GUCY1A2: variants seen among roughly 807,000 people sequenced by gnomAD.
GUCY1A2 encodes guanylate cyclase 1 soluble subunit alpha 2, also known as guanylate cyclase soluble subunit alpha-2.
In GUCY1A2, 27 loss-of-function variants were observed where a neutral mutation model predicts 63.5. That is an observed-to-expected ratio of 0.43 (90% CI 0.31 to 0.59). The LOEUF is 0.59. Ranked by LOEUF, GUCY1A2 falls within the 20% of genes least tolerant of loss-of-function variation. The pLI, the probability that GUCY1A2 is intolerant of heterozygous loss-of-function variation, is 0.11. For missense variants in GUCY1A2, 768 were observed against 913.3 expected (o/e 0.84, Z 2.05); for synonymous variants, 364 against 343.5 (o/e 1.06, Z -0.66).
intron 2 of GUCY1A2, among the ~76,000 whole-genome samples, chr11:106,985,600 T>C (rs1033237314): frequency 6.6e-6 from 1 of 152,196 alleles, no homozygotes; most frequent in Non-Finnish European, 1.5e-5. Flanking sequence ...TCACAACCAC[T>C]TCAAGAAATA....
chr11:106,747,692 A>G (rs753004327), intron 6 of GUCY1A2, among the ~76,000 whole-genome samples: 1 of 152,156 alleles, frequency 6.6e-6, no homozygotes, highest in Non-Finnish European at 1.5e-5. Flanking sequence ...TTGGTGAAAT[A>G]TTGATATTGA....
chr11:106,947,788 A>T (rs1860850564), intron 3 of GUCY1A2, among the ~76,000 whole-genome samples: 1 of 152,076 alleles, frequency 6.6e-6, no homozygotes, highest in South Asian at 2.1e-4. Flanking sequence ...CCTGCATCAT[A>T]CACAATTCTG....
At chr11:106,766,146 C>T (rs1361541967) in intron 6 of GUCY1A2, among the ~76,000 whole-genome samples, 1 of 152,092 alleles carries the variant, frequency 6.6e-6, no homozygotes. Flanking sequence ...CTTTGAAAAG[C>T]ACTTGTGACA....
chr11:106,936,161 A>T lies in GUCY1A2; in HGVS notation c.1206+3299T>A, dbSNP rs187695015. Among the ~76,000 whole-genome samples the T allele has an allele frequency of 3.0e-4, 45 of 152,318 alleles. No homozygotes were observed. The East Asian group carries it at 7.7e-3, about 26-fold the overall frequency. ...TTCACTCAAACAAGATTCATTCCAT[A>T]CCAAGAAGCTTTGTAATCTATATCA... On this transcript the variant is annotated intron_variant, in intron 4 of 7. Transcript: ENST00000526355.
intron 3 of GUCY1A2, among the ~76,000 whole-genome samples, chr11:106,968,678 T>C (rs1423164778): frequency 2.9e-5 from 1 of 35,022 alleles, no homozygotes; most frequent in Non-Finnish European, 5.9e-5. Context: ...CCTACACTGG[T>C]TCTTCTAACT....
intron 6 of GUCY1A2, among the ~76,000 whole-genome samples, chr11:106,775,989 A>G (rs1386924642): frequency 1.3e-5 from 2 of 152,168 alleles, no homozygotes; most frequent in African/African-American, 2.4e-5. Flanking sequence ...CTCTGCCACA[A>G]GAAAAACTCC....
At chr11:106,915,696 T>A (rs1860361306) in intron 4 of GUCY1A2, among the ~76,000 whole-genome samples, 1 of 145,084 alleles carries the variant, frequency 6.9e-6, no homozygotes, top group African/African-American at 2.4e-5. Context: ...AAAAGGGTGC[T>A]TCTTCGTTCA....
rs1555044010 is a variant in GUCY1A2, at chr11:106,878,798, A to AG, written c.1206+60661_1206+60662insC. On this transcript the variant is annotated intron_variant, in intron 4 of 7. Transcript: ENST00000526355. ...CTTAAAAGTTAAAAAAAAAAAAAAA[A>AG]AAGAAGAAGTTGGAAAGGGGAAGCA... Among the ~76,000 whole-genome samples, 153 of 151,408 alleles carry AG rather than the reference A, an allele frequency of 1.0e-3. 1 individual carries two copies. In the Middle Eastern group the frequency reaches 0.017, roughly 17 times the overall value.
chr11:106,797,705 T>C (rs1251041220), intron 5 of GUCY1A2, among the ~76,000 whole-genome samples: 1 of 152,206 alleles, frequency 6.6e-6, no homozygotes, highest in Non-Finnish European at 1.5e-5. Context: ...AATAAAGATG[T>C]TCTTTGAAAC....
chr11:106,915,506 T>C (rs1860358566), intron 4 of GUCY1A2, among the ~76,000 whole-genome samples: 1 of 147,112 alleles, frequency 6.8e-6, no homozygotes, highest in Non-Finnish European at 1.5e-5. Context: ...ATTGTGCAAC[T>C]GACAGTCTAT....
intron 2 of GUCY1A2, among the ~76,000 whole-genome samples, chr11:106,983,020 C>G (rs1170313995): frequency 6.6e-6 from 1 of 152,128 alleles, no homozygotes; most frequent in Non-Finnish European, 1.5e-5. Context: ...GGGAGCAGGG[C>G]CCAGTAATAC....
At chr11:106,978,236 C>T (rs1043318420) in intron 3 of GUCY1A2, among the ~76,000 whole-genome samples, 2 of 152,084 alleles carry the variant, frequency 1.3e-5, no homozygotes, top group African/African-American at 4.8e-5. Flanking sequence ...CTGTGGGCCA[C>T]CCTTCTGCCC....
intron 3 of GUCY1A2, among the ~76,000 whole-genome samples, chr11:106,971,701 A>T (rs1861196791): frequency 6.6e-6 from 1 of 152,132 alleles, no homozygotes; most frequent in Admixed American, 6.6e-5. Context: ...GCATATATAT[A>T]TGAGTTAGTC....
intron 6 of GUCY1A2, among the ~76,000 whole-genome samples, chr11:106,746,301 G>T (rs1863786196): frequency 6.6e-6 from 1 of 152,092 alleles, no homozygotes; most frequent in Non-Finnish European, 1.5e-5. Context: ...TGTTTTATTT[G>T]TAGAGTGAAG....
In GUCY1A2 at chr11:106,684,096, C is replaced by T. The variant is rs926225522; in HGVS notation, c.*3453G>A. 2 of 185,342 alleles carry T rather than the reference C, an allele frequency of 1.1e-5. No individual in the cohort carries two copies. The highest frequency in any genetic ancestry group is 2.3e-5 in the Non-Finnish European group (2 of 87,562). The allele number at this position is 185,342 out of a possible 1,614,324, so 11.5% of individuals were successfully genotyped here. A position where few individuals can be genotyped will look rare whatever the true frequency, so the allele number is the denominator to read the frequency against. On this transcript the variant is annotated 3_prime_UTR_variant, in exon 8 of 8. Transcript: ENST00000526355. ...GCTTTGTTTTTCCTGGAAAGACACA[C>T]ATATTCACACTAAACTACTGTGTCC... is the stretch of plus-strand genomic sequence containing the variant.
At chr11:106,851,728 C>G (rs1338376816) in intron 4 of GUCY1A2, among the ~76,000 whole-genome samples, 1 of 151,878 alleles carries the variant, frequency 6.6e-6, no homozygotes, top group Admixed American at 6.6e-5. Context: ...CAATAGCATA[C>G]TATTTTGATT....
At chr11:106,781,129 A>AAAAAAG (rs1555031195) in intron 5 of GUCY1A2, among the ~76,000 whole-genome samples, 24 of 145,378 alleles carry the variant, frequency 1.7e-4, no homozygotes, top group Non-Finnish European at 3.2e-4. Context: ...AAAAAAAAAA[A>AAAAAAG]AAAAGAAAAA....
chr11:106,726,256 A>G (rs535231052), intron 6 of GUCY1A2, among the ~76,000 whole-genome samples: 33 of 152,100 alleles, frequency 2.2e-4, no homozygotes, highest in African/African-American at 7.5e-4. Flanking sequence ...CTCTACTAAA[A>G]AACACAAAAA....
chr11:106,806,698 C>G (rs965448531), intron 5 of GUCY1A2, among the ~76,000 whole-genome samples: 1 of 152,124 alleles, frequency 6.6e-6, no homozygotes, highest in Admixed American at 6.6e-5. Context: ...CTTCAATTTG[C>G]CTAGCTCTTA....
Sources: gnomAD v4.1 joint callset for allele counts (sites outside exome capture counted in the v4.1 genomes callset) on GRCh38, gnomAD v4.1.1 for gene constraint, MANE v1.5 for transcripts, NCBI Gene and HGNC (gene_info 2026-07-23, HGNC 2026-07-21) for gene names.